LRRC38: variants seen among roughly 807,000 people sequenced by gnomAD.
LRRC38 encodes leucine rich repeat containing 38.
LRRC38 carries 5 observed loss-of-function variants against 16.4 expected under a neutral mutation model. The observed-to-expected ratio is 0.31, with a 90% confidence interval of 0.16 to 0.64. The LOEUF (loss-of-function observed/expected upper bound fraction) is 0.64. Ranked by LOEUF, LRRC38 falls within the 30% of genes least tolerant of loss-of-function variation. The pLI is 0.80. For synonymous variants in LRRC38, 191 were observed against 190.2 expected (o/e 1.00, Z -0.04); for missense variants, 341 against 401.8 (o/e 0.85, Z 1.29).
At position 13,513,468 on chromosome 1, in the gene LRRC38, G is replaced by A. The variant is rs1407904496; in HGVS notation, c.126C>T (p.Cys42=). ...CACTDPHTVD[C]RDRGLPSVPD... ...GCACGCTGGGCAGCCCGCGGTCGCG[G>A]CAGTCCACGGTGTGCGGGTCGGTGC... is the stretch of plus-strand genomic sequence containing the variant. The change falls in exon 1 of 2, where the codon TGC becomes TGT. Residue 42 remains cysteine (C), a synonymous_variant. Transcript: ENST00000376085. 1 of 1,545,754 alleles carries A rather than the reference G, an allele frequency of 6.5e-7. No homozygotes were observed.
chr1:13,488,842 G>A (rs1476780771), intron 1 of LRRC38, among the ~76,000 whole-genome samples: 1 of 152,130 alleles, frequency 6.6e-6, no homozygotes, highest in Non-Finnish European at 1.5e-5. Context: ...TCTTCCCAAG[G>A]TGAGAGGCCG....
At chr1:13,510,651 C>T (rs1255648365) in intron 1 of LRRC38, among the ~76,000 whole-genome samples, 14 of 120,544 alleles carry the variant, frequency 1.2e-4, no homozygotes, top group African/African-American at 4.7e-4. Flanking sequence ...AGCACAAATG[C>T]AGGAGGAGGA....
intron 1 of LRRC38, among the ~76,000 whole-genome samples, chr1:13,491,679 CT>C (rs368209306): frequency 6.8e-5 from 10 of 148,068 alleles, no homozygotes; most frequent in African/African-American, 9.9e-5. Flanking sequence ...TCTTTTCTCT[CT>C]TTTTTTTTTG....
At chr1:13,483,806 C>T (rs1638896768) in intron 1 of LRRC38, among the ~76,000 whole-genome samples, 1 of 152,114 alleles carries the variant, frequency 6.6e-6, no homozygotes, top group Non-Finnish European at 1.5e-5. Flanking sequence ...TCGAGAATCC[C>T]GTGGTTAGCA....
At position 13,494,048 on chromosome 1, in the gene LRRC38, G is replaced by C. The variant is rs529564082; in HGVS notation, c.632-17949C>G. Among the ~76,000 whole-genome samples, 193 of 152,330 alleles carry C rather than the reference G, an allele frequency of 1.3e-3. 1 individual carries two copies. Among genetic ancestry groups the C allele is most frequent in the Non-Finnish European group, 2.5e-3 (169 of 68,032 alleles). The stretch of plus-strand genomic sequence containing the variant: ...ACTGCACTCCAGCCTGGGCAAGAGA[G>C]GGAGACTCTGTCTCAAAAACAAAAG... On this transcript the variant is annotated intron_variant, in intron 1 of 1. Coordinates refer to ENST00000376085, the MANE Select transcript of LRRC38 (RefSeq NM_001010847.2).
intron 1 of LRRC38, among the ~76,000 whole-genome samples, chr1:13,495,428 C>T (rs915752160): frequency 2.6e-5 from 4 of 151,698 alleles, no homozygotes; most frequent in Admixed American, 1.3e-4. Flanking sequence ...TGCATGTCCT[C>T]TGCTGCAGGC....
At chr1:13,505,670 C>T (rs576332474) in intron 1 of LRRC38, among the ~76,000 whole-genome samples, 1 of 152,012 alleles carries the variant, frequency 6.6e-6, no homozygotes, top group African/African-American at 2.4e-5. Context: ...AATGTTACGA[C>T]GTAACTACAA....
In LRRC38 at chr1:13,487,324, G is replaced by C. The variant is rs903689745; in HGVS notation, c.632-11225C>G. ...ACAAATCATTTAACTGGGTCCTGTTGTTCTATAAAACCATGTGCTTGGTGG... is the reference window on the plus strand; with the variant it reads ...ACAAATCATTTAACTGGGTCCTGTTCTTCTATAAAACCATGTGCTTGGTGG... On this transcript the variant is annotated intron_variant, in intron 1 of 1. Transcript: ENST00000376085. The surrounding 1 kb of genome is among the most constrained non-coding windows in gnomAD (Gnocchi z 4.4). Among the ~76,000 whole-genome samples the C allele has an allele frequency of 3.3e-5, 5 of 152,184 alleles. No individual in the cohort carries two copies. The highest frequency in any genetic ancestry group is 5.9e-5 in the Non-Finnish European group (4 of 68,038).
At chr1:13,477,297 A>G (rs1057484300) in intron 1 of LRRC38, among the ~76,000 whole-genome samples, 1 of 152,186 alleles carries the variant, frequency 6.6e-6, no homozygotes, top group Non-Finnish European at 1.5e-5. Flanking sequence ...TGCCATGTAC[A>G]AGGCCCTGGG....
intron 1 of LRRC38, among the ~76,000 whole-genome samples, chr1:13,494,508 C>A (rs1385540938): frequency 6.6e-6 from 1 of 151,314 alleles, no homozygotes; most frequent in African/African-American, 2.4e-5. Context: ...TTTTTGTCCA[C>A]GTTTTATACA....
chr1:13,508,160 C>G (rs1462713629), intron 1 of LRRC38, among the ~76,000 whole-genome samples: 1 of 152,130 alleles, frequency 6.6e-6, no homozygotes. Flanking sequence ...GAGCTTGAAC[C>G]TGGGAGGCGG....
At chr1:13,483,981 A>G (rs1372629081) in intron 1 of LRRC38, among the ~76,000 whole-genome samples, 1 of 150,616 alleles carries the variant, frequency 6.6e-6, no homozygotes, top group African/African-American at 2.5e-5. Flanking sequence ...GCGAGTACGC[A>G]TGTGTGTGTG....
rs1030366349 is a variant in LRRC38, at chr1:13,487,602, G to A, written c.632-11503C>T. 1.3e-5 allele frequency among the ~76,000 whole-genome samples: 2 copies of A among 152,190 alleles called. No individual in the cohort carries two copies. Among genetic ancestry groups the A allele is most frequent in the African/African-American group, 2.4e-5 (1 of 41,460 alleles). On this transcript the variant is annotated intron_variant, in intron 1 of 1. Transcript: ENST00000376085. This position sits in a 1 kb window ranked among gnomAD's most constrained non-coding sequence, Gnocchi z 4.4. The stretch of plus-strand genomic sequence containing the variant: ...GACAGGCATCTCCCTTGTGCAGGGC[G>A]GCTCCGTGGCCTGCCCGTCACCACC...
intron 1 of LRRC38, among the ~76,000 whole-genome samples, chr1:13,501,839 C>T (rs1006989698): frequency 2.0e-5 from 3 of 151,900 alleles, no homozygotes; most frequent in South Asian, 2.1e-4. Flanking sequence ...TGCAGTGGCA[C>T]GATCTGCACC....
At chr1:13,511,191 A>G (rs551404066) in intron 1 of LRRC38, among the ~76,000 whole-genome samples, 22 of 152,182 alleles carry the variant, frequency 1.4e-4, no homozygotes, top group African/African-American at 4.8e-4. Flanking sequence ...TTTCACTTCC[A>G]TTGCTCGTTA....
chr1:13,507,232 C>T (rs1331703590), intron 1 of LRRC38, among the ~76,000 whole-genome samples: 1 of 152,184 alleles, frequency 6.6e-6, no homozygotes, highest in Admixed American at 6.5e-5. Flanking sequence ...GAGCTGGCAC[C>T]TGGTTCCTGG....
intron 1 of LRRC38, among the ~76,000 whole-genome samples, chr1:13,480,693 C>A (rs183369179): frequency 6.6e-6 from 1 of 151,924 alleles, no homozygotes; most frequent in African/African-American, 2.4e-5. Context: ...CCTCTACATG[C>A]GCTCTTGCCT....
At chr1:13,495,714 C>A (rs1419824657) in intron 1 of LRRC38, among the ~76,000 whole-genome samples, 1 of 152,136 alleles carries the variant, frequency 6.6e-6, no homozygotes, top group Non-Finnish European at 1.5e-5. Flanking sequence ...TGCTTGAATG[C>A]CCCTGGTGAT....
chr1:13,493,167 CT>C (rs144569616), intron 1 of LRRC38, among the ~76,000 whole-genome samples: 8,748 of 151,560 alleles, frequency 0.058, 825 homozygotes, highest in African/African-American at 0.2. Context: ...AATCAAGTTG[CT>C]TTTTTTTTGT....
Sources: gnomAD v4.1 joint callset for allele counts (sites outside exome capture counted in the v4.1 genomes callset) on GRCh38, gnomAD v4.1.1 for gene constraint, Gnocchi (gnomAD v3.1) non-coding constraint, MANE v1.5 for transcripts, NCBI Gene and HGNC (gene_info 2026-07-23, HGNC 2026-07-21) for gene names.